The following BICC1 variants were observed in gnomAD, a reference collection of about 807,000 sequenced individuals.
The protein encoded by BICC1 is protein bicaudal C homolog 1.
Under a neutral mutation model 111.0 loss-of-function variants are expected in BICC1, and 43 were observed. That is an observed-to-expected ratio of 0.39 (90% CI 0.30 to 0.50). BICC1 has a LOEUF of 0.50. Ranked by LOEUF, BICC1 falls within the 20% of genes least tolerant of loss-of-function variation. The pLI is 0.88. For synonymous variants in BICC1, 467 were observed against 434.4 expected, an observed-to-expected ratio of 1.07 and a Z score of -0.93; for missense variants, 1,091 against 1,203.2, an observed-to-expected ratio of 0.91 and a Z score of 1.38.
chr10:58,597,945 A>C (rs947586077), intron 1 of BICC1, among the ~76,000 whole-genome samples: 1 of 152,092 alleles, frequency 6.6e-6, no homozygotes, highest in Non-Finnish European at 1.5e-5. Context: ...TTTACAATCA[A>C]TTTGTACAGG....
intron 3 of BICC1, among the ~76,000 whole-genome samples, chr10:58,749,952 G>A (rs1377337768): frequency 1.3e-5 from 2 of 152,102 alleles, no homozygotes; most frequent in Non-Finnish European, 2.9e-5. Flanking sequence ...TAATATTTGG[G>A]GATGTTTCAT....
At chr10:58,637,211 T>C (rs1023260692) in intron 2 of BICC1, among the ~76,000 whole-genome samples, 11 of 152,214 alleles carry the variant, frequency 7.2e-5, no homozygotes, top group African/African-American at 2.7e-4. Context: ...GTGAAGATTT[T>C]TTTTCTTTTC....
intron 3 of BICC1, among the ~76,000 whole-genome samples, chr10:58,776,673 A>G (rs938010016): frequency 1.8e-4 from 27 of 152,094 alleles, no homozygotes; most frequent in African/African-American, 6.5e-4. Flanking sequence ...CCACCATCAC[A>G]AGAGTTGCCC....
chr10:58,688,957 A>G (rs1839833993), intron 2 of BICC1, among the ~76,000 whole-genome samples: 1 of 152,114 alleles, frequency 6.6e-6, no homozygotes, highest in African/African-American at 2.4e-5. Flanking sequence ...GCAGCAAACT[A>G]CCATGGCACA....
chr10:58,607,034 C>T (rs921647600), intron 1 of BICC1, among the ~76,000 whole-genome samples: 10 of 151,982 alleles, frequency 6.6e-5, no homozygotes, highest in South Asian at 6.2e-4. Context: ...TTAAAACTGT[C>T]GGCCTGGCGC....
At chr10:58,813,186 G>A (rs1416088760) in intron 17 of BICC1, among the ~76,000 whole-genome samples, 1 of 152,130 alleles carries the variant, frequency 6.6e-6, no homozygotes, top group Non-Finnish European at 1.5e-5. Context: ...GGTAATAGTA[G>A]GGTGTCTATA....
chr10:58,686,871 C>G (rs1288524248), intron 2 of BICC1, among the ~76,000 whole-genome samples: 1 of 152,230 alleles, frequency 6.6e-6, no homozygotes, highest in African/African-American at 2.4e-5. Flanking sequence ...CTTCTTCTTT[C>G]AACTCGTCAA....
intron 1 of BICC1, among the ~76,000 whole-genome samples, chr10:58,594,623 C>G (rs1320809913): frequency 6.6e-6 from 1 of 152,118 alleles, no homozygotes; most frequent in African/African-American, 2.4e-5. Flanking sequence ...TCCAGCCAAA[C>G]TAAGCCTCAT....
intron 3 of BICC1, among the ~76,000 whole-genome samples, chr10:58,739,433 A>C (rs1003995324): frequency 4.6e-5 from 7 of 152,144 alleles, no homozygotes; most frequent in Non-Finnish European, 8.8e-5. Context: ...GGATGAAGCC[A>C]ACTTGATCAT....
chr10:58,726,614 G>A (rs562279609), intron 3 of BICC1, among the ~76,000 whole-genome samples: 1 of 152,282 alleles, frequency 6.6e-6, no homozygotes, highest in East Asian at 1.9e-4. Flanking sequence ...AACAGGTAAT[G>A]TTGCTATTAT....
At chr10:58,577,195 G>A (rs1014318270) in intron 1 of BICC1, among the ~76,000 whole-genome samples, 2 of 152,104 alleles carry the variant, frequency 1.3e-5, no homozygotes, top group Admixed American at 6.5e-5. Flanking sequence ...GACAGGGGAG[G>A]TTCCTTTTCA....
At chr10:58,616,649 T>C (rs186249620) in intron 1 of BICC1, among the ~76,000 whole-genome samples, 1 of 152,274 alleles carries the variant, frequency 6.6e-6, no homozygotes, top group Non-Finnish European at 1.5e-5. Flanking sequence ...CAGATAACGT[T>C]TTGGGCATGG....
intron 1 of BICC1, among the ~76,000 whole-genome samples, chr10:58,550,389 T>C (rs1376755426): frequency 6.6e-6 from 1 of 152,204 alleles, no homozygotes; most frequent in Non-Finnish European, 1.5e-5. Flanking sequence ...CTTTGGTTTG[T>C]CATTTCATTC....
intron 20 of BICC1, chr10:58,823,765 G>A (rs762562323): frequency 7.1e-5 from 70 of 985,144 alleles, no homozygotes; most frequent in Non-Finnish European, 8.0e-5. Context: ...ATAGTCCCTA[G>A]CTTGAAGATG....
In BICC1 at chr10:58,800,336, T is replaced by G; in HGVS notation, c.1858+10T>G. 1.2e-6 allele frequency: 2 copies of G among 1,610,412 alleles called. No individual in the cohort carries two copies. Among genetic ancestry groups the G allele is most frequent in the Non-Finnish European group, 1.7e-6 (2 of 1,178,314 alleles). ...TCAAGCCCCACTGAAGGTCGGGAAC[T>G]GTACCCTTCTGAAATTCATTTTGGT... On this transcript the variant is annotated intron_variant, in intron 13 of 20. Transcript: ENST00000373886.
At chr10:58,575,020 T>A (rs1039270612) in intron 1 of BICC1, among the ~76,000 whole-genome samples, 1 of 152,184 alleles carries the variant, frequency 6.6e-6, no homozygotes, top group Non-Finnish European at 1.5e-5. Flanking sequence ...AACCTTTTTT[T>A]TTTTTAATTT....
At position 58,593,703 on chromosome 10, in the gene BICC1, A is replaced by C. The variant is rs565327762; in HGVS notation, c.191-27152A>C. 5.3e-5 allele frequency among the ~76,000 whole-genome samples: 8 copies of C among 152,180 alleles called. No homozygotes were observed. The South Asian group carries it at 1.5e-3, about 28-fold the overall frequency. ...CGGAAAGAAATAGCACATCCACTCA[A>C]AGACCCCATCCGAAGGTCACCAACA... On this transcript the variant is annotated intron_variant, in intron 1 of 20. Transcript: ENST00000373886.
At chr10:58,748,692 T>G (rs1056889200) in intron 3 of BICC1, among the ~76,000 whole-genome samples, 1 of 152,128 alleles carries the variant, frequency 6.6e-6, no homozygotes, top group Admixed American at 6.6e-5. Context: ...CTCTGGAGCA[T>G]GTAGGGTATT....
At chr10:58,694,921 A>G (rs986835136) in intron 2 of BICC1, among the ~76,000 whole-genome samples, 1 of 152,136 alleles carries the variant, frequency 6.6e-6, no homozygotes, top group South Asian at 2.1e-4. Context: ...TGCTTCCTTC[A>G]TAGGCCAAGG....
Sources: allele counts gnomAD v4.1 joint callset (sites outside exome capture counted in the v4.1 genomes callset), GRCh38; gene constraint gnomAD v4.1.1; transcripts MANE v1.5; gene names NCBI Gene and HGNC (gene_info 2026-07-23, HGNC 2026-07-21).